LATS2: variants seen among roughly 807,000 people sequenced by gnomAD.
LATS2 encodes the protein large tumor suppressor kinase 2, also known as serine/threonine-protein kinase LATS2.
A neutral mutation model predicts 76.0 loss-of-function variants in LATS2; 24 were observed. That is an observed-to-expected ratio of 0.32 (90% CI 0.23 to 0.44). The LOEUF is 0.44. LATS2 is among the 20% of genes least tolerant of loss of function. The probability of loss-of-function intolerance (pLI) is 1.00; values close to 1 mark genes in which losing one functional copy is unlikely to be tolerated. For missense variants in LATS2, 1,286 were observed against 1,481.2 expected, an observed-to-expected ratio of 0.87 and a Z score of 2.16; for synonymous variants, 692 against 635.4, an observed-to-expected ratio of 1.09 and a Z score of -1.34.
intron 2 of LATS2, among the ~76,000 whole-genome samples, chr13:21,043,071 C>T (rs529035253): frequency 6.6e-5 from 10 of 152,016 alleles, no homozygotes; most frequent in African/African-American, 1.9e-4. Flanking sequence ...TGGTGACGCA[C>T]GCCTGTAATC....
chr13:21,059,706 C>T (rs1873563258), intron 1 of LATS2, among the ~76,000 whole-genome samples: 1 of 152,244 alleles, frequency 6.6e-6, no homozygotes, highest in Non-Finnish European at 1.5e-5. Flanking sequence ...TGGCTCACGC[C>T]TGTAATCCCA....
At chr13:21,028,178 T>C (rs538339082) in intron 2 of LATS2, among the ~76,000 whole-genome samples, 1 of 151,454 alleles carries the variant, frequency 6.6e-6, no homozygotes, top group East Asian at 2.0e-4. Flanking sequence ...GAACATGCGG[T>C]GTTTGGTTTT....
intron 2 of LATS2, among the ~76,000 whole-genome samples, chr13:21,012,785 A>ACC (rs34789164): frequency 0.026 from 3,717 of 145,482 alleles, 58 homozygotes; most frequent in East Asian, 0.063. Context: ...GGTGAATCAC[A>ACC]CCCCCCCCCC....
chr13:21,030,570 CA>C (rs1276057655), intron 2 of LATS2, among the ~76,000 whole-genome samples: 20 of 107,820 alleles, frequency 1.9e-4, no homozygotes, highest in African/African-American at 6.8e-4. Flanking sequence ...GCCTGGGCGA[CA>C]AGAGTGAGAG....
At position 21,050,147 on chromosome 13, in the gene LATS2, G is replaced by GATACATACATACATACATAC. The variant is rs6144947; in HGVS notation, c.-204-3937_-204-3918dup. ...AGACAGATAGATAGATAGATAGATA[G>GATACATACATACATACATAC]ATACATACATACATACATACATACA... On this transcript the variant is annotated intron_variant, in intron 1 of 7. Coordinates refer to ENST00000382592, the MANE Select transcript of LATS2 (RefSeq NM_014572.3). 6.5e-3 allele frequency among the ~76,000 whole-genome samples: 346 copies of GATACATACATACATACATAC among 53,526 alleles called. 2 individuals carry two copies. The highest frequency in any genetic ancestry group is 0.019 in the South Asian group (15 of 774). 35.1% of individuals were successfully genotyped at this position (53,526 alleles called of 152,430 possible). A position where few individuals can be genotyped will look rare whatever the true frequency, so the allele number is the denominator to read the frequency against.
At chr13:21,058,432 C>A (rs1329770977) in intron 1 of LATS2, among the ~76,000 whole-genome samples, 2 of 152,222 alleles carry the variant, frequency 1.3e-5, no homozygotes, top group African/African-American at 2.4e-5. Context: ...CCTACCCCAC[C>A]CCTTGGTGGA....
chr13:20,988,080 C>A lies in LATS2; in HGVS notation c.1700G>T (p.Gly567Val). Residue 567 changes from glycine (G) to valine (V), a missense_variant, in exon 4 of 8, where the codon GGA becomes GTA. This residue lies in a region of LATS2 where 710 missense variants were observed against 660.9 expected (regional missense o/e 1.07). Coordinates refer to ENST00000382592, the MANE Select transcript of LATS2 (RefSeq NM_014572.3). ...GGTCTGAATCTGCTTTTTATCCTTT[C>A]CGCCTTTGTCCCCCTTGGCGCTTTT... ...SRKSAKGDKG[G>V]KDKKQIQTSP... The A allele has an allele frequency of 6.2e-7, 1 of 1,614,268 alleles. No homozygotes were observed. The highest frequency in any genetic ancestry group is 8.5e-7 in the Non-Finnish European group (1 of 1,180,046).
intron 2 of LATS2, among the ~76,000 whole-genome samples, chr13:21,009,006 T>A (rs1871467773): frequency 6.6e-6 from 1 of 152,228 alleles, no homozygotes; most frequent in Non-Finnish European, 1.5e-5. Flanking sequence ...TATAGTGTTT[T>A]AACAGTACAA....
intron 2 of LATS2, among the ~76,000 whole-genome samples, chr13:21,024,624 C>T (rs575699783): frequency 4.5e-4 from 68 of 151,304 alleles, no homozygotes; most frequent in Middle Eastern, 3.4e-3. Flanking sequence ...TGACCAGCAC[C>T]GTGCTGTCCC....
chr13:20,986,623 A>ATTTC (rs1431346320), intron 4 of LATS2, among the ~76,000 whole-genome samples: 2 of 152,184 alleles, frequency 1.3e-5, no homozygotes, highest in Non-Finnish European at 2.9e-5. Context: ...GAGGTGGGAA[A>ATTTC]GGGTGTGTGT....
At chr13:21,020,546 A>C (rs1038586864) in intron 2 of LATS2, among the ~76,000 whole-genome samples, 1 of 152,182 alleles carries the variant, frequency 6.6e-6, no homozygotes, top group African/African-American at 2.4e-5. Flanking sequence ...GAAAAAAATC[A>C]CATTAATTCC....
chr13:20,988,343 C>CCGGGCG lies in LATS2; in HGVS notation c.1436_1437insCGCCCG (p.Ala480_Ala481insArgAla). On this transcript the variant is annotated inframe_insertion, in exon 4 of 8. Coordinates refer to ENST00000382592, the MANE Select transcript of LATS2 (RefSeq NM_014572.3). ...CCTTGGCGTCCAAGCCCTCCGCAGCCGGGGCGGGGGCGGGGGCGGGGGCCG... is the reference window on the plus strand; with the variant it reads ...CCTTGGCGTCCAAGCCCTCCGCAGCCCGGGCGGGGGCGGGGGCGGGGGCGGGGGCCG... 13 of 1,298,770 alleles carry CCGGGCG rather than the reference C, an allele frequency of 1.0e-5. No homozygotes were observed. The highest frequency in any genetic ancestry group is 1.3e-5 in the Non-Finnish European group (13 of 1,004,360). The allele number at this position is 1,298,770 out of a possible 1,614,324, so 80.5% of individuals were successfully genotyped here.
chr13:20,989,396 T>TC, intron 3 of LATS2, 92 bp from the exon 4 acceptor site: 1 of 1,376,036 alleles, frequency 7.3e-7, no homozygotes, highest in Non-Finnish European at 1.0e-6. Flanking sequence ...AGCGCTGCCC[T>TC]CGGGGCTGAG....
rs562565936 is a variant in LATS2, at chr13:20,974,636, A to T, written c.*234T>A. ...TTCTAAACTGTACTAAATTTTCAAA[A>T]ATATTGTTTTAATGCAGTGAAGGTC... is the stretch of plus-strand genomic sequence containing the variant. On this transcript the variant is annotated 3_prime_UTR_variant, in exon 8 of 8. Transcript: ENST00000382592. 10 of 494,850 alleles carry T rather than the reference A, an allele frequency of 2.0e-5. No homozygotes were observed. In the South Asian group the frequency reaches 3.4e-4, roughly 17 times the overall value. The allele number at this position is 494,850 out of a possible 1,614,324, so 30.7% of individuals were successfully genotyped here.
In LATS2 at chr13:20,991,334, T is replaced by C; in HGVS notation, c.413A>G (p.Lys138Arg). The change falls in exon 3 of 8, where the codon AAG becomes AGG. Residue 138 changes from lysine to arginine, a missense_variant. Lys to Arg is a conservative substitution (Grantham distance 26, BLOSUM62 2). Around this residue, in one of 5 missense-constraint regions of LATS2, gnomAD observed 18 missense variants for 58.5 expected, o/e 0.31. Transcript: ENST00000382592. The surrounding 1 kb of genome is among the most constrained non-coding windows in gnomAD (Gnocchi z 4.9). ...ATTCCTCGGGTCCAGGTAGCCCATC[T>C]TGCTGATGTACTCCAGGGCGGCCTC... is the stretch of plus-strand genomic sequence containing the variant. ...SIEAALEYISKMGYLDPRNEQ... is the reference protein window; with the variant it reads ...SIEAALEYISRMGYLDPRNEQ... 1 of 1,614,198 alleles carries C rather than the reference T, an allele frequency of 6.2e-7. No homozygotes were observed. The highest frequency in any genetic ancestry group is 8.5e-7 in the Non-Finnish European group (1 of 1,180,028).
At position 20,991,387 on chromosome 13, in the gene LATS2, A is replaced by G. The variant is rs771615379; in HGVS notation, c.360T>C (p.Ala120=). Residue 120 remains alanine (A), a synonymous_variant, in exon 3 of 8, where the codon GCT becomes GCC. Coordinates refer to ENST00000382592, the MANE Select transcript of LATS2 (RefSeq NM_014572.3). This position sits in a 1 kb window ranked among gnomAD's most constrained non-coding sequence, Gnocchi z 4.9. ...AGCDQEMAGR[A]LKQTGSRSIE... ...TGCTCCTGCTGCCAGTCTGCTTGAG[A>G]GCTCGGCCAGCCATCTCCTGGGAGG... is the stretch of plus-strand genomic sequence containing the variant. The G allele has an allele frequency of 6.2e-7, 1 of 1,614,108 alleles. No individual in the cohort carries two copies. The highest frequency in any genetic ancestry group is 8.5e-7 in the Non-Finnish European group (1 of 1,180,022).
chr13:21,040,498 G>A (rs1447044859), intron 2 of LATS2, among the ~76,000 whole-genome samples: 1 of 152,236 alleles, frequency 6.6e-6, no homozygotes, highest in Non-Finnish European at 1.5e-5. Context: ...AGGAATCTGA[G>A]TGGAATCACA....
chr13:21,007,512 TAGTTAGTCGTAGGGGATGG>T (rs1341337260), intron 2 of LATS2, among the ~76,000 whole-genome samples: 1 of 103,606 alleles, frequency 9.7e-6, no homozygotes, highest in Non-Finnish European at 1.9e-5. Flanking sequence ...AGGGAAGGAG[TAGTTAGTCGTAGGGGATGG>T]ATATATATAT....
Position 20,989,268 on chromosome 13 carries a change from GGCCTCC to G in LATS2, c.506_511del (p.Arg169_Arg170del). On this transcript the variant is annotated inframe_deletion, in exon 4 of 8. Coordinates refer to ENST00000382592, the MANE Select transcript of LATS2 (RefSeq NM_014572.3). ...CGAATCGCCGGTTCCTTCGAAGCTG[GGCCTCC>G]GCGTCACTGGGGTTGGCATGAGCCC... is the stretch of plus-strand genomic sequence containing the variant. 2 of 1,613,978 alleles carry G rather than the reference GGCCTCC, an allele frequency of 1.2e-6. No homozygotes were observed. Among genetic ancestry groups the G allele is most frequent in the South Asian group, 2.2e-5 (2 of 91,088 alleles).
Sources: allele counts gnomAD v4.1 joint callset (sites outside exome capture counted in the v4.1 genomes callset), GRCh38; gene constraint gnomAD v4.1.1; regional missense constraint gnomAD v4.1.1; non-coding constraint Gnocchi (gnomAD v3.1); transcripts MANE v1.5; gene names NCBI Gene and HGNC (gene_info 2026-07-23, HGNC 2026-07-21).